The following HEMK2 variants were observed in gnomAD, a reference collection of about 807,000 sequenced individuals.
HEMK2 encodes methyltransferase HEMK2.
At chr21:28,762,066 G>T in the HEMK2 span, among the ~76,000 whole-genome samples, 1 of 152,190 alleles carries the variant, frequency 6.6e-6, no homozygotes, top group Non-Finnish European at 1.5e-5. Flanking sequence ...CCACTCTGGG[G>T]TAAATCTGAA....
the HEMK2 span, among the ~76,000 whole-genome samples, chr21:28,749,130 A>G: frequency 6.8e-6 from 1 of 146,550 alleles, no homozygotes; most frequent in Non-Finnish European, 1.5e-5. Context: ...AGGAGATTCC[A>G]GCATTGGCCA....
At chr21:28,885,344 A>G in the HEMK2 span, 18 of 1,566,000 alleles carry the variant, frequency 1.1e-5, no homozygotes, top group Non-Finnish European at 1.5e-5. Context: ...CTCCCCTGCC[A>G]TAGTCCTTCG....
chr21:28,734,083 T>C, the HEMK2 span, among the ~76,000 whole-genome samples: 55 of 151,794 alleles, frequency 3.6e-4, 1 homozygote, highest in Admixed American at 3.0e-3. Context: ...AATCAAACCT[T>C]CTAAGTCCAA....
the HEMK2 span, among the ~76,000 whole-genome samples, chr21:28,603,694 G>T: frequency 6.6e-6 from 1 of 151,896 alleles, no homozygotes; most frequent in African/African-American, 2.4e-5. Context: ...ACCCCAAGAA[G>T]GTTTTCTTTT....
At chr21:28,665,334 C>CTTTTTT in the HEMK2 span, among the ~76,000 whole-genome samples, 3 of 36,686 alleles carry the variant, frequency 8.2e-5, no homozygotes, top group African/African-American at 2.6e-4. Flanking sequence ...ATTTATATTT[C>CTTTTTT]TTTTTTTTTT....
chr21:28,733,005 C>T, the HEMK2 span, among the ~76,000 whole-genome samples: 10 of 152,270 alleles, frequency 6.6e-5, 1 homozygote, highest in South Asian at 1.5e-3. Context: ...AATGACCAGG[C>T]GTGGTGGCTC....
the HEMK2 span, among the ~76,000 whole-genome samples, chr21:28,738,758 T>C: frequency 2.6e-5 from 4 of 152,216 alleles, no homozygotes; most frequent in African/African-American, 7.2e-5. Context: ...ATTTTTGCAA[T>C]TGCAACATTT....
the HEMK2 span, among the ~76,000 whole-genome samples, chr21:28,824,425 T>C: frequency 6.6e-6 from 1 of 152,234 alleles, no homozygotes; most frequent in Non-Finnish European, 1.5e-5. Context: ...GAGTTTGTTA[T>C]TGTTTTAAAA....
At chr21:28,853,315 T>C in the HEMK2 span, among the ~76,000 whole-genome samples, 1 of 152,156 alleles carries the variant, frequency 6.6e-6, no homozygotes, top group African/African-American at 2.4e-5. Context: ...AATAAACTAT[T>C]AGAACCTCTT....
the HEMK2 span, among the ~76,000 whole-genome samples, chr21:28,679,500 C>G: frequency 6.6e-6 from 1 of 152,082 alleles, no homozygotes; most frequent in Admixed American, 6.6e-5. Context: ...ACGAGACAGA[C>G]AGTCAACAAG....
the HEMK2 span, among the ~76,000 whole-genome samples, chr21:28,652,888 C>T: frequency 6.6e-6 from 1 of 152,076 alleles, no homozygotes; most frequent in Non-Finnish European, 1.5e-5. Flanking sequence ...GATACTCCCA[C>T]GAGTGCCATG....
chr21:28,605,728 C>T, the HEMK2 span, among the ~76,000 whole-genome samples: 20 of 151,914 alleles, frequency 1.3e-4, no homozygotes, highest in Non-Finnish European at 2.5e-4. Context: ...ATCCATGTAT[C>T]GTGTGTTTAT....
At chr21:28,838,782 A>G in the HEMK2 span, among the ~76,000 whole-genome samples, 2 of 150,076 alleles carry the variant, frequency 1.3e-5, no homozygotes, top group Non-Finnish European at 3.0e-5. Context: ...TCTACTAAAA[A>G]TACAAAATTA....
chr21:28,871,194 A>G, the HEMK2 span, among the ~76,000 whole-genome samples: 1 of 152,286 alleles, frequency 6.6e-6, no homozygotes, highest in South Asian at 2.1e-4. Flanking sequence ...CTGTTCTCGC[A>G]TTGCTATAAA....
At chr21:28,713,195 C>T in the HEMK2 span, among the ~76,000 whole-genome samples, 2 of 152,164 alleles carry the variant, frequency 1.3e-5, no homozygotes, top group African/African-American at 2.4e-5. Flanking sequence ...AAGTCCCATC[C>T]ATTTTACCTC....
At chr21:28,584,205 C>G in the HEMK2 span, among the ~76,000 whole-genome samples, 1 of 152,168 alleles carries the variant, frequency 6.6e-6, no homozygotes, top group Non-Finnish European at 1.5e-5. Flanking sequence ...AGAATAAACT[C>G]AACTTTGACT....
chr21:28,724,793 G>GT, the HEMK2 span, among the ~76,000 whole-genome samples: 3 of 151,874 alleles, frequency 2.0e-5, no homozygotes, highest in Non-Finnish European at 2.9e-5. Context: ...TTTTGTTTTT[G>GT]TTTTTTGAGA....
At chr21:28,836,833 C>A in the HEMK2 span, among the ~76,000 whole-genome samples, 2 of 150,428 alleles carry the variant, frequency 1.3e-5, no homozygotes, top group Non-Finnish European at 3.0e-5. Flanking sequence ...GCATTTCATG[C>A]AAATGGAAAC....
chr21:28,812,071 G>A, the HEMK2 span, among the ~76,000 whole-genome samples: 1 of 152,182 alleles, frequency 6.6e-6, no homozygotes, highest in African/African-American at 2.4e-5. Flanking sequence ...AAAAACAGTA[G>A]AAGTAAATAT....
Sources: gnomAD v4.1 joint callset for allele counts (sites outside exome capture counted in the v4.1 genomes callset) on GRCh38, gnomAD v4.1.1 for gene constraint, MANE v1.5 for transcripts, NCBI Gene and HGNC (gene_info 2026-07-23, HGNC 2026-07-21) for gene names.